ANK3: variants seen among roughly 807,000 people sequenced by gnomAD.
The protein encoded by ANK3 is ankyrin 3.
ANK3 carries 57 observed loss-of-function variants against 370.9 expected under a neutral mutation model. The observed-to-expected ratio is 0.15, with a 90% CI of 0.12 to 0.19. ANK3 has a LOEUF of 0.19. Ranked by LOEUF, ANK3 falls within the 10% of genes least tolerant of loss-of-function variation. The probability of loss-of-function intolerance (pLI) is 1.00; values close to 1 mark genes in which losing one functional copy is unlikely to be tolerated. For synonymous variants in ANK3, 1,929 were observed against 1,946.3 expected (o/e 0.99, Z 0.23); for missense variants, 4,439 against 5,302.1 (o/e 0.84, Z 5.06).
At chr10:60,255,668 G>T (rs1175763095) in intron 7 of ANK3, among the ~76,000 whole-genome samples, 1 of 123,970 alleles carries the variant, frequency 8.1e-6, no homozygotes. Flanking sequence ...GGGAAGGAAG[G>T]CCTAAGATGG....
Position 60,055,953 on chromosome 10 carries a change from ATTT to A in ANK3, c.12767_12769del (p.Glu4256_Ile4257delinsVal), listed in dbSNP as rs1425594215. 3 of 1,613,914 alleles carry A rather than the reference ATTT, an allele frequency of 1.9e-6. No homozygotes were observed. The highest frequency in any genetic ancestry group is 1.6e-4 in the Middle Eastern group (1 of 6,084). ...AGATTTTGTCTTTGCTTCTGGAGTGATTTCTGTATGGCTTCCATTTGCTTCAAA... is the reference window on the plus strand; with the variant it reads ...AGATTTTGTCTTTGCTTCTGGAGTGACTGTATGGCTTCCATTTGCTTCAAA... On this transcript the variant is annotated inframe_deletion, in exon 42 of 44. Coordinates refer to ENST00000280772, the MANE Select transcript of ANK3 (RefSeq NM_020987.5).
intron 2 of ANK3, among the ~76,000 whole-genome samples, chr10:60,591,298 TTTTATTTTATTTA>T (rs1479551366): frequency 7.3e-6 from 1 of 137,046 alleles, no homozygotes; most frequent in Non-Finnish European, 1.5e-5. Flanking sequence ...TTATTTTTAT[TTTTATTTTATTTA>T]TTTATTTATT....
At chr10:60,687,739 G>A (rs2079289801) in intron 1 of ANK3, among the ~76,000 whole-genome samples, 1 of 152,124 alleles carries the variant, frequency 6.6e-6, no homozygotes, top group African/African-American at 2.4e-5. Context: ...TTGAAATCAG[G>A]ATCTTGAAGA....
At position 60,075,684 on chromosome 10, in the gene ANK3, T is replaced by C; in HGVS notation, c.5197A>G (p.Asn1733Asp). The C allele has an allele frequency of 6.2e-7, 1 of 1,614,122 alleles. No individual in the cohort carries two copies. The highest frequency in any genetic ancestry group is 1.3e-5 in the African/African-American group (1 of 75,038). The change falls in exon 37 of 44, where the codon AAT (asparagine) becomes GAT (aspartate). Residue 1733 changes from asparagine to aspartate, a missense_variant. Transcript: ENST00000280772. The part of the protein sequence containing the change: ...LKYPSSSTLI[N>D]GCKATATLQE... ...AACGTGGCAGTGGCTTTGCATCCAT[T>C]AATTAAAGTTGAGGATGATGGATAT...
rs918430636 is a variant in ANK3 at position 60,044,057 on chromosome 10, C to T, written c.13066-1298G>A. The T allele has an allele frequency of 5.1e-6, 5 of 985,632 alleles. No individual in the cohort carries two copies. The Admixed American group carries it at 2.5e-4, about 49-fold the overall frequency. 61.1% of individuals were successfully genotyped at this position (985,632 alleles called of 1,614,324 possible). ...CTTTTGTCCTCTACATTCTCTTTGG[C>T]AATCCCTCTCCATTACCACATCATC... On this transcript the variant is annotated intron_variant, in intron 42 of 43. Transcript: ENST00000280772.
At chr10:60,324,310 A>T (rs2049314406) in intron 1 of ANK3, among the ~76,000 whole-genome samples, 2 of 152,226 alleles carry the variant, frequency 1.3e-5, no homozygotes, top group Admixed American at 1.3e-4. Context: ...GCAGGGACTT[A>T]TTAGTACCAT....
chr10:60,642,133 C>T (rs896035080), intron 1 of ANK3, among the ~76,000 whole-genome samples: 74 of 149,898 alleles, frequency 4.9e-4, no homozygotes, highest in African/African-American at 1.7e-3. Flanking sequence ...CAGGAAACAA[C>T]AGGTGCTGGA....
At chr10:60,686,936 C>T (rs893951537) in intron 1 of ANK3, among the ~76,000 whole-genome samples, 4 of 152,082 alleles carry the variant, frequency 2.6e-5, no homozygotes, top group African/African-American at 9.7e-5. Flanking sequence ...GATCATGGTC[C>T]CACAAGATTA....
At chr10:60,174,211 G>A (rs1156554217) in intron 18 of ANK3, among the ~76,000 whole-genome samples, 2 of 152,164 alleles carry the variant, frequency 1.3e-5, no homozygotes, top group Non-Finnish European at 2.9e-5. Flanking sequence ...AGAAGGTGAA[G>A]ATACCTTACC....
intron 1 of ANK3, among the ~76,000 whole-genome samples, chr10:60,323,719 C>A (rs192136403): frequency 1.4e-3 from 210 of 152,186 alleles, no homozygotes; most frequent in African/African-American, 4.6e-3. Context: ...CGCCAGCATT[C>A]AGAAGTTGGA....
At chr10:60,165,338 T>G (rs1200161371) in intron 23 of ANK3, among the ~76,000 whole-genome samples, 1 of 152,134 alleles carries the variant, frequency 6.6e-6, no homozygotes, top group Non-Finnish European at 1.5e-5. Context: ...ATTCTAAAAG[T>G]CCTAAAGACG....
At chr10:60,373,114 C>T (rs193145688) in intron 1 of ANK3, among the ~76,000 whole-genome samples, 1 of 152,194 alleles carries the variant, frequency 6.6e-6, no homozygotes. Flanking sequence ...TTTGTAGCAT[C>T]CCCCATCATT....
At chr10:60,222,227 G>A (rs1016817948) in intron 8 of ANK3, among the ~76,000 whole-genome samples, 18 of 152,252 alleles carry the variant, frequency 1.2e-4, no homozygotes, top group Non-Finnish European at 2.4e-4. Flanking sequence ...TCAATGATGC[G>A]ACTGCCTGGC....
At chr10:60,593,694 A>G (rs564054213) in intron 2 of ANK3, among the ~76,000 whole-genome samples, 6 of 152,306 alleles carry the variant, frequency 3.9e-5, no homozygotes, top group African/African-American at 1.2e-4. Flanking sequence ...TTAAATATGT[A>G]CCAAAGGTAA....
chr10:60,176,822 G>C (rs552832150), intron 18 of ANK3, among the ~76,000 whole-genome samples: 45 of 152,098 alleles, frequency 3.0e-4, no homozygotes, highest in African/African-American at 1.1e-3. Flanking sequence ...AAGTAATTTT[G>C]CTAACCATTT....
At chr10:60,720,990 A>G (rs1332280072) in intron 1 of ANK3, among the ~76,000 whole-genome samples, 2 of 152,178 alleles carry the variant, frequency 1.3e-5, no homozygotes, top group Non-Finnish European at 2.9e-5. Flanking sequence ...AAGCATTTTT[A>G]TGATTAACAG....
intron 1 of ANK3, among the ~76,000 whole-genome samples, chr10:60,728,454 G>T (rs535278706): frequency 4.1e-5 from 6 of 146,576 alleles, no homozygotes; most frequent in African/African-American, 1.5e-4. Flanking sequence ...AAATGTAAAA[G>T]TTCCCAACAT....
intron 2 of ANK3, among the ~76,000 whole-genome samples, chr10:60,560,005 T>C (rs2077297472): frequency 6.6e-6 from 1 of 151,954 alleles, no homozygotes; most frequent in South Asian, 2.1e-4. Flanking sequence ...ATCACGCCAC[T>C]GCACTCCAGC....
At chr10:60,379,679 A>G (rs1220362777) in intron 1 of ANK3, among the ~76,000 whole-genome samples, 1 of 152,104 alleles carries the variant, frequency 6.6e-6, no homozygotes, top group African/African-American at 2.4e-5. Flanking sequence ...TTGATCTCAT[A>G]GAAGTAAAAA....
Sources: allele counts gnomAD v4.1 joint callset (sites outside exome capture counted in the v4.1 genomes callset), GRCh38; gene constraint gnomAD v4.1.1; transcripts MANE v1.5; gene names NCBI Gene and HGNC (gene_info 2026-07-23, HGNC 2026-07-21).